SMC1B: variants seen among roughly 807,000 people sequenced by gnomAD.
SMC1B encodes the protein structural maintenance of chromosomes 1B.
Under a neutral mutation model 157.9 loss-of-function variants are expected in SMC1B, and 60 were observed. That is an observed-to-expected ratio of 0.38 (90% CI 0.31 to 0.47). The LOEUF is 0.47. SMC1B is among the 20% of genes least tolerant of loss of function. The probability of loss-of-function intolerance (pLI) is 0.99; values close to 1 mark genes in which losing one functional copy is unlikely to be tolerated. For missense variants in SMC1B, 1,165 were observed against 1,426.2 expected, an observed-to-expected ratio of 0.82 and a Z score of 2.95; for synonymous variants, 445 against 483.0, an observed-to-expected ratio of 0.92 and a Z score of 1.03.
rs1569202131 is a variant in SMC1B, at chr22:45,408,916, T to TA, written c.110-19dup. 3 of 1,414,800 alleles carry TA rather than the reference T, an allele frequency of 2.1e-6. No homozygotes were observed. The East Asian group carries it at 7.4e-5, about 35-fold the overall frequency. 87.6% of individuals were successfully genotyped at this position (1,414,800 alleles called of 1,614,324 possible). A position where few individuals can be genotyped will look rare whatever the true frequency, so the allele number is the denominator to read the frequency against. ...AGATTTTCCTGGGGAAGAAAAGAGATAAAACATTATTCATTCTTAATGATA... is the reference window on the plus strand; with the variant it reads ...AGATTTTCCTGGGGAAGAAAAGAGATAAAAACATTATTCATTCTTAATGATA... On this transcript the variant is annotated intron_variant, in intron 1 of 24. Coordinates refer to ENST00000357450, the MANE Select transcript of SMC1B (RefSeq NM_148674.5).
At chr22:45,365,127 G>A (rs2086762954) in intron 15 of SMC1B, among the ~76,000 whole-genome samples, 1 of 151,952 alleles carries the variant, frequency 6.6e-6, no homozygotes, top group African/African-American at 2.4e-5. Flanking sequence ...ATGAGCCACC[G>A]CACCCGGCCG....
Position 45,349,413 on chromosome 22 carries a change from T to C in SMC1B, c.3495+315A>G, listed in dbSNP as rs1372772661. Among the ~76,000 whole-genome samples the C allele has an allele frequency of 2.7e-5, 4 of 150,866 alleles. No homozygotes were observed. The East Asian group carries it at 7.8e-4, about 30-fold the overall frequency. ...GTGCAGTGGTGCAATCTCGGCTCACTGCAACCTTCACCTCCCGGGTTCAAG... is the reference window on the plus strand; with the variant it reads ...GTGCAGTGGTGCAATCTCGGCTCACCGCAACCTTCACCTCCCGGGTTCAAG... On this transcript the variant is annotated intron_variant, in intron 23 of 24. Coordinates refer to ENST00000357450, the MANE Select transcript of SMC1B (RefSeq NM_148674.5).
rs534378144 is a variant in SMC1B, at chr22:45,388,765, C to T, written c.1731+947G>A. On this transcript the variant is annotated intron_variant, in intron 10 of 24. Coordinates refer to ENST00000357450, the MANE Select transcript of SMC1B (RefSeq NM_148674.5). Reference sequence around the variant, plus strand: ...ACCGAGGCAGGCGGATCACCTGAGTCGGGAATTTGAGACCAGCCTGACCAA... The same window carrying T: ...ACCGAGGCAGGCGGATCACCTGAGTTGGGAATTTGAGACCAGCCTGACCAA... 7.2e-5 allele frequency among the ~76,000 whole-genome samples: 11 copies of T among 151,730 alleles called. No homozygotes were observed. The South Asian group carries it at 1.5e-3, about 20-fold the overall frequency.
At chr22:45,388,198 TAAAAC>T (rs1173827536) in intron 10 of SMC1B, among the ~76,000 whole-genome samples, 4 of 152,200 alleles carry the variant, frequency 2.6e-5, no homozygotes, top group African/African-American at 4.8e-5. Flanking sequence ...CACTTTTTAA[TAAAAC>T]AAAACAAAAC....
intron 23 of SMC1B, among the ~76,000 whole-genome samples, chr22:45,346,243 C>A (rs1293229358): frequency 6.6e-6 from 1 of 152,146 alleles, no homozygotes; most frequent in Admixed American, 6.5e-5. Context: ...TAATTTCCAC[C>A]TTCCTATTTT....
At chr22:45,392,891 G>C (rs545226403) in intron 9 of SMC1B, among the ~76,000 whole-genome samples, 1 of 152,240 alleles carries the variant, frequency 6.6e-6, no homozygotes, top group African/African-American at 2.4e-5. Context: ...AGTAGAGACA[G>C]GGTTTCACCA....
At chr22:45,346,979 T>C (rs2086558698) in intron 23 of SMC1B, among the ~76,000 whole-genome samples, 1 of 152,232 alleles carries the variant, frequency 6.6e-6, no homozygotes, top group Admixed American at 6.5e-5. Context: ...TACCTGGAGA[T>C]GCCACCAATG....
At chr22:45,353,290 G>A (rs1212100390) in intron 21 of SMC1B, among the ~76,000 whole-genome samples, 9 of 140,346 alleles carry the variant, frequency 6.4e-5, no homozygotes, top group East Asian at 2.1e-4. Flanking sequence ...AAGAAAGAAA[G>A]AAAAAAAAAA....
intron 20 of SMC1B, 41 bp from the exon 21 acceptor site, chr22:45,354,173 G>C: frequency 6.9e-7 from 1 of 1,443,462 alleles, no homozygotes; most frequent in Non-Finnish European, 9.2e-7. Context: ...AGACCACTGA[G>C]GAGGTTCTTT....
At chr22:45,400,511 A>G (rs1388185895) in intron 5 of SMC1B, among the ~76,000 whole-genome samples, 4 of 152,230 alleles carry the variant, frequency 2.6e-5, no homozygotes, top group Non-Finnish European at 4.4e-5. Flanking sequence ...ATGTAAACAA[A>G]TAACAATTAA....
At chr22:45,361,793 T>C in intron 17 of SMC1B, 46 bp downstream of exon 17, 1 of 1,579,140 alleles carries the variant, frequency 6.3e-7, no homozygotes, top group Non-Finnish European at 8.6e-7. Context: ...GGTGTCCATG[T>C]TTAAAACTCT....
chr22:45,411,000 TTAAG>T (rs1239781837), intron 1 of SMC1B, among the ~76,000 whole-genome samples: 3 of 152,230 alleles, frequency 2.0e-5, no homozygotes, highest in Admixed American at 6.5e-5. Flanking sequence ...AATTTAAGTA[TTAAG>T]TAACAAAACT....
chr22:45,407,935 A>G (rs1490155514), intron 2 of SMC1B, among the ~76,000 whole-genome samples: 1 of 152,098 alleles, frequency 6.6e-6, no homozygotes, highest in African/African-American at 2.4e-5. Flanking sequence ...TTTTCCCGTA[A>G]ATGTATATAT....
chr22:45,372,630 G>T (rs1267351468), intron 12 of SMC1B, among the ~76,000 whole-genome samples: 2 of 151,404 alleles, frequency 1.3e-5, no homozygotes, highest in East Asian at 1.9e-4. Flanking sequence ...GTTTTGGCTT[G>T]CCTCTCTCAC....
At chr22:45,398,992 A>C (rs1439107951) in intron 6 of SMC1B, 103 bp downstream of exon 6, 1 of 1,116,060 alleles carries the variant, frequency 9.0e-7, no homozygotes, top group Non-Finnish European at 1.3e-6. Context: ...CATTGAGGAT[A>C]ATCTCTTAAA....
chr22:45,408,947 C>T (rs1294305755), intron 1 of SMC1B, 49 bp from the exon 2 acceptor site: 12 of 1,212,664 alleles, frequency 9.9e-6, no homozygotes, highest in Non-Finnish European at 1.4e-5. Flanking sequence ...TGATAAAAAG[C>T]CCTACCCAGA....
intron 19 of SMC1B, 134 bp downstream of exon 19, chr22:45,358,563 G>T: frequency 1.8e-6 from 1 of 567,126 alleles, no homozygotes; most frequent in East Asian, 3.1e-5. Flanking sequence ...TTTTTCCTTT[G>T]TATATTTCTT....
intron 10 of SMC1B, among the ~76,000 whole-genome samples, chr22:45,388,994 AAAAAAAAAAAGAAAAAGAAAAAAG>A (rs1335007059): frequency 6.8e-6 from 1 of 145,988 alleles, no homozygotes; most frequent in Non-Finnish European, 1.5e-5. Flanking sequence ...CTCAAAAAAA[AAAAAAAAAAAGAAAAAGAAAAAAG>A]AAAAAAAAAA....
At chr22:45,392,958 C>T (rs1036715501) in intron 9 of SMC1B, among the ~76,000 whole-genome samples, 6 of 152,148 alleles carry the variant, frequency 3.9e-5, no homozygotes, top group African/African-American at 2.4e-5. Flanking sequence ...GCCTCAGCCC[C>T]CTAGAGTGCT....
Sources: allele counts gnomAD v4.1 joint callset (sites outside exome capture counted in the v4.1 genomes callset), GRCh38; gene constraint gnomAD v4.1.1; transcripts MANE v1.5; gene names NCBI Gene and HGNC (gene_info 2026-07-23, HGNC 2026-07-21).